The following LGSN variants were observed in gnomAD, a reference collection of about 807,000 sequenced individuals.
LGSN encodes lengsin, lens protein with glutamine synthetase domain.
In LGSN, 21 loss-of-function variants were observed where a neutral mutation model predicts 19.5. The observed-to-expected ratio is 1.07, with a 90% CI of 0.76 to 1.55. LGSN has a LOEUF of 1.55. LGSN is among the 40% of genes most tolerant of loss of function. The pLI is 0.00. For synonymous variants in LGSN, 257 were observed against 215.6 expected (o/e 1.19, Z -1.68); for missense variants, 673 against 608.5 (o/e 1.11, Z -1.12).
At chr6:63,449,541 CAA>C in the LGSN span, among the ~76,000 whole-genome samples, 50 of 106,918 alleles carry the variant, frequency 4.7e-4, no homozygotes, top group Non-Finnish European at 4.7e-4. Context: ...GAGACTCCGT[CAA>C]AAAAAAAAAA....
intron 2 of LGSN, among the ~76,000 whole-genome samples, chr6:63,289,084 G>A (rs767873034): frequency 6.6e-6 from 1 of 152,128 alleles, no homozygotes; most frequent in Non-Finnish European, 1.5e-5. Flanking sequence ...CTCCTTGAGC[G>A]CCAAGGCTTA....
the LGSN span, among the ~76,000 whole-genome samples, chr6:63,403,603 G>T: frequency 1.3e-5 from 2 of 151,896 alleles, no homozygotes; most frequent in African/African-American, 4.8e-5. Flanking sequence ...AGTTTCGGGG[G>T]AAGATCAATA....
chr6:63,478,221 GGCTATTAGA>G, the LGSN span, among the ~76,000 whole-genome samples: 1 of 152,060 alleles, frequency 6.6e-6, no homozygotes, highest in African/African-American at 2.4e-5. Flanking sequence ...AAACCAAAAA[GGCTATTAGA>G]GCAAAGAGGG....
the LGSN span, among the ~76,000 whole-genome samples, chr6:63,478,488 A>G: frequency 3.4e-4 from 11 of 32,714 alleles, no homozygotes; most frequent in Admixed American, 2.7e-3. Context: ...GACGTTCTGA[A>G]AAAAAAAAAT....
the LGSN span, among the ~76,000 whole-genome samples, chr6:63,353,731 C>T: frequency 1.3e-5 from 2 of 152,182 alleles, no homozygotes; most frequent in Non-Finnish European, 1.5e-5. Context: ...CATCACACCA[C>T]CTGACTTCAA....
the LGSN span, among the ~76,000 whole-genome samples, chr6:63,442,402 C>T: frequency 2.0e-5 from 3 of 152,318 alleles, no homozygotes; most frequent in Non-Finnish European, 2.9e-5. Flanking sequence ...CCACCCACAT[C>T]CTGATGATTC....
At chr6:63,379,535 A>G in the LGSN span, among the ~76,000 whole-genome samples, 1 of 152,330 alleles carries the variant, frequency 6.6e-6, no homozygotes, top group East Asian at 1.9e-4. Flanking sequence ...TGTATTGCCA[A>G]TAAAATTGCC....
At chr6:63,464,538 T>A in the LGSN span, among the ~76,000 whole-genome samples, 1 of 149,966 alleles carries the variant, frequency 6.7e-6, no homozygotes, top group African/African-American at 2.4e-5. Context: ...AAAAAATATA[T>A]ATATATATAT....
chr6:63,466,022 T>A, the LGSN span, among the ~76,000 whole-genome samples: 1 of 152,180 alleles, frequency 6.6e-6, no homozygotes, highest in Non-Finnish European at 1.5e-5. Flanking sequence ...CAGGCTGGAG[T>A]GCCGTAGCAC....
At chr6:63,471,018 G>A in the LGSN span, among the ~76,000 whole-genome samples, 1 of 138,084 alleles carries the variant, frequency 7.2e-6, no homozygotes, top group African/African-American at 2.7e-5. Context: ...TCAGCTCACT[G>A]CAACTTCCGC....
intron 1 of LGSN, among the ~76,000 whole-genome samples, chr6:63,309,276 A>G (rs1768531584): frequency 6.6e-6 from 1 of 152,162 alleles, no homozygotes; most frequent in South Asian, 2.1e-4. Context: ...TAGTAAAAAT[A>G]CAAAAATTAG....
chr6:63,388,484 T>C, the LGSN span, among the ~76,000 whole-genome samples: 2,495 of 152,194 alleles, frequency 0.016, 70 homozygotes, highest in African/African-American at 0.057. Flanking sequence ...AGCCCTAATC[T>C]GATATGACTG....
the LGSN span, among the ~76,000 whole-genome samples, chr6:63,479,118 A>T: frequency 4.6e-5 from 7 of 152,202 alleles, no homozygotes; most frequent in Non-Finnish European, 8.8e-5. Flanking sequence ...AACTGGTTAG[A>T]TTAGACAACC....
At chr6:63,364,367 A>G in the LGSN span, among the ~76,000 whole-genome samples, 5 of 152,240 alleles carry the variant, frequency 3.3e-5, no homozygotes, top group Admixed American at 2.0e-4. Context: ...AAAGGAATCA[A>G]TTCAACAAGA....
At chr6:63,326,478 G>T in the LGSN span, among the ~76,000 whole-genome samples, 81 of 152,354 alleles carry the variant, frequency 5.3e-4, no homozygotes, top group African/African-American at 1.8e-3. Context: ...TGGTCGATGG[G>T]ACTGGGCACT....
intron 1 of LGSN, among the ~76,000 whole-genome samples, chr6:63,303,620 T>G (rs375983494): frequency 7.9e-5 from 12 of 152,336 alleles, no homozygotes; most frequent in African/African-American, 2.6e-4. Context: ...ACCTAAATTC[T>G]TATATGACTA....
At chr6:63,412,746 A>AGGAAGGAAGGGAAGGAAGGAAGGAAG in the LGSN span, among the ~76,000 whole-genome samples, 1 of 86,698 alleles carries the variant, frequency 1.2e-5, no homozygotes, top group African/African-American at 7.9e-5. Flanking sequence ...AAAGAAAGAA[A>AGGAAGGAAGGGAAGGAAGGAAGGAAG]GAAAGAAAGA....
At chr6:63,494,637 A>G in the LGSN span, among the ~76,000 whole-genome samples, 2 of 152,290 alleles carry the variant, frequency 1.3e-5, no homozygotes, top group African/African-American at 4.8e-5. Flanking sequence ...ACTTCTTTTT[A>G]TTCTTTTAGA....
the LGSN span, among the ~76,000 whole-genome samples, chr6:63,338,671 G>C: frequency 1.3e-5 from 2 of 151,636 alleles, no homozygotes; most frequent in African/African-American, 4.8e-5. Flanking sequence ...CCTTTTCTTA[G>C]TCTCTATTTT....
Sources: gnomAD v4.1 joint callset for allele counts (sites outside exome capture counted in the v4.1 genomes callset) on GRCh38, gnomAD v4.1.1 for gene constraint, MANE v1.5 for transcripts, NCBI Gene and HGNC (gene_info 2026-07-23, HGNC 2026-07-21) for gene names.